The following MYO1A variants were observed in gnomAD, a reference collection of about 807,000 sequenced individuals.
MYO1A encodes the protein unconventional myosin-Ia.
In MYO1A, 127 loss-of-function variants were observed where a neutral mutation model predicts 138.5. The ratio of observed to expected loss-of-function variants is 0.92; its 90% CI spans 0.79 to 1.06. The LOEUF (loss-of-function observed/expected upper bound fraction) is 1.06. Among genes scored for constraint, MYO1A ranks in the 50% least tolerant of loss-of-function variants. The pLI, the probability that MYO1A is intolerant of heterozygous loss-of-function variation, is 0.00. For missense variants in MYO1A, 1,211 were observed against 1,288.8 expected (o/e 0.94, Z 0.92); for synonymous variants, 477 against 497.5 (o/e 0.96, Z 0.55).
In MYO1A at chr12:57,038,095, G is replaced by A. The variant is rs749098010; in HGVS notation, c.1761-26C>T. ...CTGGTGGGAGGTGGGGTAAGGCACA[G>A]CCTTCAGGAGCTGACATCATTGCCA... On this transcript the variant is annotated intron_variant, in intron 17 of 27. Coordinates refer to ENST00000300119, the MANE Select transcript of MYO1A (RefSeq NM_005379.4). 5.0e-6 allele frequency: 8 copies of A among 1,610,304 alleles called. No homozygotes were observed. The South Asian group carries it at 8.8e-5, about 18-fold the overall frequency.
intron 24 of MYO1A, 74 bp downstream of exon 24, chr12:57,030,136 G>A: frequency 7.2e-7 from 1 of 1,380,912 alleles, no homozygotes. Context: ...CCTGCCAGGT[G>A]ATTCTAAGGC....
In MYO1A at chr12:57,036,945, G is replaced by A; in HGVS notation, c.2202C>T (p.Asn734=). 1.2e-6 allele frequency: 2 copies of A among 1,614,220 alleles called. No individual in the cohort carries two copies. The highest frequency in any genetic ancestry group is 1.7e-6 in the Non-Finnish European group (2 of 1,180,042). The stretch of plus-strand genomic sequence containing the variant: ...GGGACTTTGGGGATGACCGTACCAT[G>A]TTTCCCCGAAACCAAGAGGAGATGA... ...QILISSWFRG[N]MQKKCYGKIK... The change falls in exon 20 of 28, where the codon AAC becomes AAT. Residue 734 remains asparagine, a synonymous_variant. Transcript: ENST00000300119.
intron 22 of MYO1A, among the ~76,000 whole-genome samples, chr12:57,033,151 A>C (rs866387822): frequency 2.6e-5 from 4 of 152,182 alleles, no homozygotes; most frequent in Non-Finnish European, 4.4e-5. Flanking sequence ...TTACACAATC[A>C]TAACTCCATC....
chr12:57,048,587 G>A (rs1368066137), intron 1 of MYO1A, among the ~76,000 whole-genome samples: 1 of 152,150 alleles, frequency 6.6e-6, no homozygotes, highest in African/African-American at 2.4e-5. Context: ...TGGGGCAGGG[G>A]TGGAACAGGA....
Position 57,046,940 on chromosome 12 carries a change from C to T in MYO1A, c.478-14G>A. 6.2e-7 allele frequency: 1 copy of T among 1,613,570 alleles called. No homozygotes were observed. Among genetic ancestry groups the T allele is most frequent in the South Asian group, 1.1e-5 (1 of 91,068 alleles). On this transcript the variant is annotated splice_polypyrimidine_tract_variant and intron_variant, in intron 6 of 27. Coordinates refer to ENST00000300119, the MANE Select transcript of MYO1A (RefSeq NM_005379.4). ...CATGTATTTTCCCTTCAGAGAGAGA[C>T]CAGAGAGAGAGACTTAGCTTCTTCC...
At chr12:57,029,311 A>T in intron 26 of MYO1A, 52 bp from the exon 27 acceptor site, 1 of 1,613,268 alleles carries the variant, frequency 6.2e-7, no homozygotes, top group South Asian at 1.1e-5. Context: ...TCTCTTCAGG[A>T]GCACCTGAGG....
Position 57,038,820 on chromosome 12 carries a change from A to G in MYO1A, c.1522T>C (p.Tyr508His), listed in dbSNP as rs762670406. ...CCCTGCCATTTCACCTTGCCCGCAT[A>G]GTGGCAGATGCGGAAGCAGCTGAGG... ...MGLSCFRICH[Y>H]AGKVTYNVTS... The change falls in exon 16 of 28, where the codon TAT (tyrosine) becomes CAT (histidine). Residue 508 changes from tyrosine (Y) to histidine (H), a missense_variant. Coordinates refer to ENST00000300119, the MANE Select transcript of MYO1A (RefSeq NM_005379.4). 3.1e-6 allele frequency: 5 copies of G among 1,613,938 alleles called. No individual in the cohort carries two copies. In the East Asian group the frequency reaches 8.9e-5, roughly 29 times the overall value.
In MYO1A at chr12:57,048,276, C is replaced by T. The variant is rs201000642; in HGVS notation, c.48G>A (p.Leu16=). Residue 16 remains leucine (L), a synonymous_variant, in exon 2 of 28, where the codon CTG becomes CTA. Coordinates refer to ENST00000300119, the MANE Select transcript of MYO1A (RefSeq NM_005379.4). ...GCAGTGACTCCTCCACCAAGGGTTC[C>T]AGGAGGACAAGATCCTCCACCCCCA... The part of the protein sequence containing the change: ...GSVGVEDLVL[L]EPLVEESLLK... The T allele has an allele frequency of 8.1e-6, 13 of 1,614,072 alleles. No homozygotes were observed. In the African/African-American group the frequency reaches 1.2e-4, roughly 15 times the overall value.
At chr12:57,047,260 G>C (rs745899402) in intron 5 of MYO1A, 43 bp downstream of exon 5, 1 of 1,592,264 alleles carries the variant, frequency 6.3e-7, no homozygotes. Context: ...GTGATTCTGG[G>C]GGTTAGATGG....
At chr12:57,049,422 G>C (rs1021195894) in intron 1 of MYO1A, among the ~76,000 whole-genome samples, 2 of 152,220 alleles carry the variant, frequency 1.3e-5, no homozygotes, top group Admixed American at 6.5e-5. Flanking sequence ...AGGAGGAACG[G>C]AAGTGGGGCA....
Position 57,039,024 on chromosome 12 carries a change from CA to C in MYO1A, c.1333-16del. ...CCTCGCTGATTCTGGGCCGGGGGAACAAAAGAAGCCCAACCTAAATCTGGTC... is the reference window on the plus strand; with the variant it reads ...CCTCGCTGATTCTGGGCCGGGGGAACAAAGAAGCCCAACCTAAATCTGGTC... On this transcript the variant is annotated splice_polypyrimidine_tract_variant and intron_variant, in intron 15 of 27. Transcript: ENST00000300119. The C allele has an allele frequency of 6.2e-7, 1 of 1,610,346 alleles. No individual in the cohort carries two copies. The highest frequency in any genetic ancestry group is 8.5e-7 in the Non-Finnish European group (1 of 1,178,098).
Position 57,047,641 on chromosome 12 carries a change from C to A in MYO1A, c.311G>T (p.Gly104Val). Residue 104 changes from glycine to valine, a missense_variant, in exon 4 of 28, where the codon GGA becomes GTA. Transcript: ENST00000300119. ...AGGGGCCTCACCAGTCTTCCCTGATCCACTCTCGCCTGTGATGAGGATACA... is the reference window on the plus strand; with the variant it reads ...AGGGGCCTCACCAGTCTTCCCTGATACACTCTCGCCTGTGATGAGGATACA... ...DQCILITGES[G>V]SGKTEASKLV... 1 of 1,614,246 alleles carries A rather than the reference C, an allele frequency of 6.2e-7. No homozygotes were observed. The highest frequency in any genetic ancestry group is 8.5e-7 in the Non-Finnish European group (1 of 1,180,046).
chr12:57,036,000 C>A (rs1025968771), intron 22 of MYO1A, among the ~76,000 whole-genome samples: 3 of 152,228 alleles, frequency 2.0e-5, no homozygotes, highest in African/African-American at 7.2e-5. Flanking sequence ...TGTTAAACAT[C>A]CAGCCCCAGG....
intron 3 of MYO1A, 127 bp from the exon 4 acceptor site, chr12:57,047,848 C>T (rs1348240477): frequency 5.1e-6 from 8 of 1,561,396 alleles, no homozygotes; most frequent in Non-Finnish European, 6.9e-6. Context: ...ATGTGACAGG[C>T]CTTGGAAGGG....
chr12:57,029,684 T>C (rs2030172882), intron 25 of MYO1A, 56 bp downstream of exon 25: 1 of 1,614,070 alleles, frequency 6.2e-7, no homozygotes, highest in Admixed American at 1.7e-5. Context: ...GCTCTCCAGA[T>C]GCCAGCCCAC....
Position 57,039,227 on chromosome 12 carries a change from A to C in MYO1A, c.1317T>G (p.Cys439Trp). The C allele has an allele frequency of 6.2e-7, 1 of 1,614,182 alleles. No homozygotes were observed. Among genetic ancestry groups the C allele is most frequent in the South Asian group, 1.1e-5 (1 of 91,078 alleles). Residue 439 changes from cysteine (C) to tryptophan (W), a missense_variant, in exon 15 of 28, where the codon TGT (cysteine) becomes TGG (tryptophan). Physicochemically the swap from Cys to Trp is radical, Grantham distance 215. Transcript: ENST00000300119. ...GACAACTCACATGCTCAATGAGCTT[A>C]CAAATGATGCCATTATCAAAGTAGT... ...KVDYFDNGII[C>W]KLIEHNQRGI...
intron 8 of MYO1A, among the ~76,000 whole-genome samples, chr12:57,045,408 T>C (rs527943879): frequency 6.6e-6 from 1 of 151,988 alleles, no homozygotes; most frequent in African/African-American, 2.4e-5. Flanking sequence ...CTAAGGAGGG[T>C]ATCTGGAGGG....
At chr12:57,045,862 T>G (rs990367284) in intron 8 of MYO1A, among the ~76,000 whole-genome samples, 3 of 152,016 alleles carry the variant, frequency 2.0e-5, no homozygotes, top group African/African-American at 7.3e-5. Context: ...TCTGCTCTTA[T>G]AGCCAGCTGC....
chr12:57,042,974 C>T (rs1180766178), intron 12 of MYO1A, 98 bp downstream of exon 12: 1 of 1,157,742 alleles, frequency 8.6e-7, no homozygotes, highest in African/African-American at 1.5e-5. Flanking sequence ...ATCATCCTCC[C>T]TACTCTGCTC....
Sources: allele counts gnomAD v4.1 joint callset (sites outside exome capture counted in the v4.1 genomes callset), GRCh38; gene constraint gnomAD v4.1.1; transcripts MANE v1.5; gene names NCBI Gene and HGNC (gene_info 2026-07-23, HGNC 2026-07-21).